The following CTNNA2 variants were observed in gnomAD, a reference collection of about 807,000 sequenced individuals.
CTNNA2 encodes the protein catenin alpha 2, also known as catenin alpha-2.
In CTNNA2, 42 loss-of-function variants were observed where a neutral mutation model predicts 101.0. That is an observed-to-expected ratio of 0.42 (90% CI 0.32 to 0.54). CTNNA2 has a LOEUF of 0.54. CTNNA2 is among the 20% of genes least tolerant of loss of function. The pLI is 0.14. For synonymous variants in CTNNA2, 450 were observed against 456.4 expected (o/e 0.99, Z 0.18); for missense variants, 871 against 1,223.1 (o/e 0.71, Z 4.29).
At chr2:79,381,842 G>A (rs566125357) in intron 4 of CTNNA2, among the ~76,000 whole-genome samples, 119 of 152,292 alleles carry the variant, frequency 7.8e-4, no homozygotes, top group African/African-American at 2.8e-3. Context: ...CATTATGAAA[G>A]TCTTTTGCTG....
At chr2:79,516,210 A>G (rs574412425) in intron 1 of CTNNA2, among the ~76,000 whole-genome samples, 1 of 152,304 alleles carries the variant, frequency 6.6e-6, no homozygotes, top group East Asian at 1.9e-4. Context: ...TAAAGGTTAA[A>G]TGTGTTTAGC....
chr2:79,440,257 TGAA>T (rs1452634718), intron 4 of CTNNA2, among the ~76,000 whole-genome samples: 1 of 151,792 alleles, frequency 6.6e-6, no homozygotes, highest in Non-Finnish European at 1.5e-5. Flanking sequence ...CTAGTTGAAA[TGAA>T]GAAGGAAAAG....
At chr2:80,201,187 T>C (rs945858253) in intron 7 of CTNNA2, among the ~76,000 whole-genome samples, 8 of 152,122 alleles carry the variant, frequency 5.3e-5, no homozygotes, top group Middle Eastern at 3.4e-3. Flanking sequence ...TATTGTATTG[T>C]TATTTTTAAT....
At chr2:79,885,725 A>C (rs1048350401) in intron 6 of CTNNA2, among the ~76,000 whole-genome samples, 1 of 152,212 alleles carries the variant, frequency 6.6e-6, no homozygotes, top group Admixed American at 6.5e-5. Context: ...GAAGGTGAAG[A>C]GTTGAGATGA....
At chr2:79,494,017 A>T (rs1449051104) in intron 4 of CTNNA2, 1 of 152,182 alleles carries the variant, frequency 6.6e-6, no homozygotes, top group Non-Finnish European at 1.5e-5. Context: ...TTGTATTTCT[A>T]TATATTAACA....
At chr2:80,215,258 C>A (rs758153403) in intron 7 of CTNNA2, among the ~76,000 whole-genome samples, 1 of 152,196 alleles carries the variant, frequency 6.6e-6, no homozygotes, top group Non-Finnish European at 1.5e-5. Context: ...AAGCCTTCTT[C>A]TCTCAGCTCG....
At chr2:79,982,068 T>C (rs1349494640) in intron 7 of CTNNA2, among the ~76,000 whole-genome samples, 1 of 150,256 alleles carries the variant, frequency 6.7e-6, no homozygotes, top group Non-Finnish European at 1.5e-5. Flanking sequence ...AGACAGGGTC[T>C]TGCTCTGTTA....
intron 3 of CTNNA2, among the ~76,000 whole-genome samples, chr2:79,756,539 C>G (rs1248771889): frequency 6.6e-6 from 1 of 151,432 alleles, no homozygotes; most frequent in Non-Finnish European, 1.5e-5. Flanking sequence ...ATGAAACAAC[C>G]AAAAGCATGA....
At chr2:79,428,908 A>G (rs1284886789) in intron 4 of CTNNA2, among the ~76,000 whole-genome samples, 1 of 152,140 alleles carries the variant, frequency 6.6e-6, no homozygotes, top group Middle Eastern at 3.2e-3. Flanking sequence ...CAGCCTCTCA[A>G]TGATCCCAGT....
chr2:79,724,120 A>G (rs1686661316), intron 2 of CTNNA2, among the ~76,000 whole-genome samples: 1 of 152,148 alleles, frequency 6.6e-6, no homozygotes. Flanking sequence ...TTCACCAGCC[A>G]AATGTGGAGC....
rs74888338 is a variant in CTNNA2 at position 79,200,146 on chromosome 2, G to A, written c.-406+2070G>A. On this transcript the variant is annotated intron_variant, in intron 2 of 21. Transcript: ENST00000466387. ...TGCCTGTAATCCCAGCATTTTGGGA[G>A]GCCAAGGAGAGTGGATCATTTGAGG... Among the ~76,000 whole-genome samples, 1,072 of 152,270 alleles carry A rather than the reference G, an allele frequency of 7.0e-3. 5 individuals carry two copies. Among genetic ancestry groups the A allele is most frequent in the Non-Finnish European group, 0.012 (812 of 68,026 alleles).
chr2:79,709,924 T>A (rs796207911), intron 2 of CTNNA2, among the ~76,000 whole-genome samples: 7 of 152,182 alleles, frequency 4.6e-5, no homozygotes, highest in African/African-American at 1.7e-4. Flanking sequence ...GGAGTGGGCA[T>A]TCAGGGGAGA....
chr2:79,650,793 C>A (rs1486259876), intron 1 of CTNNA2, among the ~76,000 whole-genome samples: 1 of 122,650 alleles, frequency 8.2e-6, no homozygotes, highest in Non-Finnish European at 1.7e-5. Context: ...CCCCTCCCCC[C>A]ACCCCACAAC....
chr2:80,277,838 C>T (rs2149152894), intron 7 of CTNNA2, among the ~76,000 whole-genome samples: 1 of 152,256 alleles, frequency 6.6e-6, no homozygotes, highest in African/African-American at 2.4e-5. Flanking sequence ...GGTAATTTCT[C>T]CTCAGAGCCC....
chr2:80,395,155 A>G (rs1340764341), intron 8 of CTNNA2, among the ~76,000 whole-genome samples: 1 of 152,174 alleles, frequency 6.6e-6, no homozygotes, highest in Non-Finnish European at 1.5e-5. Flanking sequence ...AAGGTGAAAA[A>G]TTATGGTGGA....
intron 18 of CTNNA2, among the ~76,000 whole-genome samples, chr2:80,626,315 C>T (rs916530373): frequency 2.0e-5 from 3 of 152,050 alleles, no homozygotes; most frequent in Non-Finnish European, 4.4e-5. Flanking sequence ...TATGGCCCAT[C>T]TATTCTCAAG....
chr2:79,654,691 T>C (rs1681486735), intron 2 of CTNNA2, among the ~76,000 whole-genome samples: 1 of 152,200 alleles, frequency 6.6e-6, no homozygotes, highest in African/African-American at 2.4e-5. Context: ...TTCCAGGGAT[T>C]AGAATGTGGA....
intron 7 of CTNNA2, among the ~76,000 whole-genome samples, chr2:80,049,833 T>C: frequency 6.6e-6 from 1 of 152,226 alleles, no homozygotes; most frequent in Admixed American, 6.5e-5. Flanking sequence ...GAATTTTTTT[T>C]CCAATTCTGC....
chr2:80,378,595 C>G (rs1676209303), intron 7 of CTNNA2: 1 of 152,098 alleles, frequency 6.6e-6, no homozygotes, highest in Admixed American at 6.6e-5. Flanking sequence ...TCAACCTACT[C>G]CAATAGTTTC....
Sources: gnomAD v4.1 joint callset for allele counts (sites outside exome capture counted in the v4.1 genomes callset) on GRCh38, gnomAD v4.1.1 for gene constraint, MANE v1.5 for transcripts, NCBI Gene and HGNC (gene_info 2026-07-23, HGNC 2026-07-21) for gene names.